The following KCNMB2 variants were observed in gnomAD, a reference collection of about 807,000 sequenced individuals.
KCNMB2 encodes the protein potassium calcium-activated channel subfamily M regulatory beta subunit 2, also known as calcium-activated potassium channel subunit beta-2.
Under a neutral mutation model 24.5 loss-of-function variants are expected in KCNMB2, and 9 were observed. The observed-to-expected ratio is 0.37, with a 90% CI of 0.22 to 0.64. The LOEUF is 0.64. Among genes scored for constraint, KCNMB2 ranks in the 30% least tolerant of loss-of-function variants. The pLI, the probability that KCNMB2 is intolerant of heterozygous loss-of-function variation, is 0.63. For synonymous variants in KCNMB2, 109 were observed against 104.4 expected, an observed-to-expected ratio of 1.04 and a Z score of -0.27; for missense variants, 226 against 284.3, an observed-to-expected ratio of 0.79 and a Z score of 1.47.
In KCNMB2 at chr3:178,720,033, G is replaced by A. The variant is rs554350745; in HGVS notation, c.-67-87310G>A. On this transcript the variant is annotated intron_variant, in intron 1 of 4. Coordinates refer to ENST00000452583, the MANE Select transcript of KCNMB2 (RefSeq NM_181361.3). ...TTAGGGTACATGTGCACAACGTGCCGGTTAGTTACATATGTATACATGTGC... is the reference window on the plus strand; with the variant it reads ...TTAGGGTACATGTGCACAACGTGCCAGTTAGTTACATATGTATACATGTGC... Among the ~76,000 whole-genome samples the A allele has an allele frequency of 4.6e-5, 7 of 151,824 alleles. No individual in the cohort carries two copies. In the East Asian group the frequency reaches 1.2e-3, roughly 25 times the overall value.
chr3:178,804,821 G>A (rs1371036246), intron 1 of KCNMB2, among the ~76,000 whole-genome samples: 1 of 152,220 alleles, frequency 6.6e-6, no homozygotes, highest in Non-Finnish European at 1.5e-5. Context: ...AATGACTAAA[G>A]CAATCAGAGG....
rs1482022109 is a variant in KCNMB2 at position 178,536,586 on chromosome 3, T to G, written c.-193T>G. The G allele has an allele frequency of 6.6e-6, 1 of 152,230 alleles. No individual in the cohort carries two copies. Among genetic ancestry groups the G allele is most frequent in the Non-Finnish European group, 1.5e-5 (1 of 68,042 alleles). The allele number at this position is 152,230 out of a possible 1,614,324, so 9.4% of individuals were successfully genotyped here. A position where few individuals can be genotyped will look rare whatever the true frequency, so the allele number is the denominator to read the frequency against. Reference sequence around the variant, plus strand: ...GAGTTAGAAAGGGTTGTGACATTAATGGTCCACAAAGGCTTTAGGCACAAG... The same window carrying G: ...GAGTTAGAAAGGGTTGTGACATTAAGGGTCCACAAAGGCTTTAGGCACAAG... On this transcript the variant is annotated 5_prime_UTR_variant, in exon 1 of 5. The change abolishes an upstream ATG in the 5' untranslated region. Coordinates refer to ENST00000452583, the MANE Select transcript of KCNMB2 (RefSeq NM_181361.3).
At chr3:178,817,746 C>T (rs1204902498) in intron 2 of KCNMB2, among the ~76,000 whole-genome samples, 2 of 152,126 alleles carry the variant, frequency 1.3e-5, no homozygotes, top group African/African-American at 4.8e-5. Flanking sequence ...AAGATAGAAA[C>T]TGGAGGTCTG....
chr3:178,550,193 G>A (rs1282210385), intron 1 of KCNMB2, among the ~76,000 whole-genome samples: 1 of 151,938 alleles, frequency 6.6e-6, no homozygotes, highest in Non-Finnish European at 1.5e-5. Context: ...GCTCACGCCT[G>A]TAATCCCAGC....
At chr3:178,742,443 C>A (rs951785288) in intron 1 of KCNMB2, among the ~76,000 whole-genome samples, 1 of 152,166 alleles carries the variant, frequency 6.6e-6, no homozygotes, top group East Asian at 1.9e-4. Context: ...ATTTTATTTC[C>A]ATTTGACCCC....
intron 1 of KCNMB2, among the ~76,000 whole-genome samples, chr3:178,728,767 C>T (rs1318166147): frequency 6.6e-6 from 1 of 152,114 alleles, no homozygotes; most frequent in Non-Finnish European, 1.5e-5. Context: ...TACACTCTAC[C>T]TACAAAAAAT....
chr3:178,760,532 GTGTT>G (rs1166643246), intron 1 of KCNMB2, among the ~76,000 whole-genome samples: 3 of 144,942 alleles, frequency 2.1e-5, no homozygotes, highest in Non-Finnish European at 3.0e-5. Context: ...GTGTGTGTGT[GTGTT>G]TGTGTATACC....
intron 1 of KCNMB2, among the ~76,000 whole-genome samples, chr3:178,626,861 G>C (rs1719138363): frequency 6.7e-6 from 1 of 148,952 alleles, no homozygotes; most frequent in African/African-American, 2.4e-5. Context: ...AACTTATATA[G>C]AGAGAATAAG....
chr3:178,686,973 A>T (rs1721493013), intron 1 of KCNMB2, among the ~76,000 whole-genome samples: 1 of 152,174 alleles, frequency 6.6e-6, no homozygotes, highest in South Asian at 2.1e-4. Context: ...GCAAATTAGC[A>T]AGTATCTCTA....
chr3:178,584,081 A>T (rs556009895), intron 1 of KCNMB2, among the ~76,000 whole-genome samples: 1 of 152,348 alleles, frequency 6.6e-6, no homozygotes, highest in South Asian at 2.1e-4. Flanking sequence ...GATGTACAGA[A>T]GACAAAAGGC....
At chr3:178,684,594 G>C (rs559568093) in intron 1 of KCNMB2, among the ~76,000 whole-genome samples, 1 of 152,110 alleles carries the variant, frequency 6.6e-6, no homozygotes, top group Non-Finnish European at 1.5e-5. Context: ...TTGGGAGTCC[G>C]AGGCGGGCAG....
intron 1 of KCNMB2, among the ~76,000 whole-genome samples, chr3:178,700,834 G>T (rs961134841): frequency 4.0e-5 from 6 of 151,200 alleles, no homozygotes; most frequent in African/African-American, 1.5e-4. Context: ...AAGTTTTAAA[G>T]CTATAGAGAG....
At chr3:178,669,926 AG>A (rs1720843204) in intron 1 of KCNMB2, among the ~76,000 whole-genome samples, 1 of 152,084 alleles carries the variant, frequency 6.6e-6, no homozygotes, top group Admixed American at 6.6e-5. Context: ...GAAAGCAAGC[AG>A]GAAGTGGATA....
At chr3:178,687,191 C>T (rs1224920049) in intron 1 of KCNMB2, among the ~76,000 whole-genome samples, 1 of 152,090 alleles carries the variant, frequency 6.6e-6, no homozygotes, top group East Asian at 1.9e-4. Context: ...GCAGCCATGA[C>T]ATTTTCCAAA....
At chr3:178,565,463 G>A (rs1716484564) in intron 1 of KCNMB2, among the ~76,000 whole-genome samples, 1 of 152,180 alleles carries the variant, frequency 6.6e-6, no homozygotes. Flanking sequence ...AGGAAAAATT[G>A]TCCAAGGAAA....
chr3:178,807,404 TC>T lies in KCNMB2; in HGVS notation c.-5del. The stretch of plus-strand genomic sequence containing the variant: ...GAAAGGAGACCCTGGACCAACATTC[TC>T]TAAGATGTTTATATGGACCAGTGGC... On this transcript the variant is annotated 5_prime_UTR_variant, in exon 2 of 5. Transcript: ENST00000452583. The T allele has an allele frequency of 6.2e-7, 1 of 1,613,354 alleles. No homozygotes were observed. The highest frequency in any genetic ancestry group is 8.5e-7 in the Non-Finnish European group (1 of 1,179,450).
At chr3:178,696,110 G>T (rs1300091227) in intron 1 of KCNMB2, among the ~76,000 whole-genome samples, 2 of 152,186 alleles carry the variant, frequency 1.3e-5, no homozygotes, top group African/African-American at 4.8e-5. Context: ...TTCTTCATAT[G>T]GCAGCAGGAA....
At chr3:178,597,115 C>T (rs1391721469) in intron 1 of KCNMB2, among the ~76,000 whole-genome samples, 1 of 152,108 alleles carries the variant, frequency 6.6e-6, no homozygotes, top group African/African-American at 2.4e-5. Flanking sequence ...CTCGAGCTAC[C>T]TGACTTAAAC....
intron 1 of KCNMB2, among the ~76,000 whole-genome samples, chr3:178,762,159 A>C (rs1380591666): frequency 6.6e-6 from 1 of 152,010 alleles, no homozygotes; most frequent in Non-Finnish European, 1.5e-5. Flanking sequence ...CGACAGAGCG[A>C]GACTCCGTCT....
Sources: allele counts gnomAD v4.1 joint callset (sites outside exome capture counted in the v4.1 genomes callset), GRCh38; gene constraint gnomAD v4.1.1; transcripts MANE v1.5; gene names NCBI Gene and HGNC (gene_info 2026-07-23, HGNC 2026-07-21).